Variants in NTRK3 observed in about 807,000 individuals in gnomAD.
NTRK3 encodes the protein neurotrophic receptor tyrosine kinase 3, also known as NT-3 growth factor receptor.
A neutral mutation model predicts 91.7 loss-of-function variants in NTRK3; 24 were observed. The observed-to-expected ratio is 0.26, with a 90% CI of 0.19 to 0.37. The LOEUF (loss-of-function observed/expected upper bound fraction) is 0.37, where lower values mean the gene tolerates loss of function less well. Ranked by LOEUF, NTRK3 falls within the 10% of genes least tolerant of loss-of-function variation. NTRK3 has a pLI of 1.00. For synonymous variants in NTRK3, 483 were observed against 404.0 expected (o/e 1.20, Z -2.34); for missense variants, 880 against 1,068.9 (o/e 0.82, Z 2.46).
At chr15:87,898,795 G>C (rs1202791490) in intron 17 of NTRK3, among the ~76,000 whole-genome samples, 2 of 144,376 alleles carry the variant, frequency 1.4e-5, no homozygotes, top group East Asian at 4.0e-4. Context: ...AGACCAGCCT[G>C]GCCAACACAG....
chr15:88,251,315 A>C (rs1350047022), intron 3 of NTRK3, among the ~76,000 whole-genome samples: 5 of 152,202 alleles, frequency 3.3e-5, no homozygotes, highest in African/African-American at 9.7e-5. Flanking sequence ...TCCTGGGGGA[A>C]GTTCTCTGGG....
chr15:88,041,172 A>G (rs989632405), intron 13 of NTRK3, among the ~76,000 whole-genome samples: 2 of 152,190 alleles, frequency 1.3e-5, no homozygotes. Flanking sequence ...CTAGGGATGG[A>G]CTGCCAAATA....
At chr15:88,078,259 A>G (rs903402925) in intron 13 of NTRK3, among the ~76,000 whole-genome samples, 3 of 152,196 alleles carry the variant, frequency 2.0e-5, no homozygotes, top group Non-Finnish European at 4.4e-5. Flanking sequence ...CAATACAGAA[A>G]GTCCCTGCTC....
chr15:87,883,613 T>G (rs1596075604), intron 17 of NTRK3, among the ~76,000 whole-genome samples: 1 of 151,180 alleles, frequency 6.6e-6, no homozygotes, highest in Non-Finnish European at 1.5e-5. Context: ...CCTTAAAAAA[T>G]TGCACATTAT....
At chr15:88,138,802 T>A (rs376947013) in intron 6 of NTRK3, among the ~76,000 whole-genome samples, 1 of 152,360 alleles carries the variant, frequency 6.6e-6, no homozygotes, top group East Asian at 1.9e-4. Flanking sequence ...AGTTTGTTTA[T>A]CTGTCTCCCT....
At chr15:87,909,792 A>T (rs2066980901) in intron 17 of NTRK3, among the ~76,000 whole-genome samples, 1 of 152,214 alleles carries the variant, frequency 6.6e-6, no homozygotes, top group African/African-American at 2.4e-5. Flanking sequence ...AGAAGAGATT[A>T]GGACACAAAC....
At chr15:87,916,546 T>C in intron 17 of NTRK3, 1 of 702,400 alleles carries the variant, frequency 1.4e-6, no homozygotes, top group Non-Finnish European at 2.6e-6. Context: ...GTATCAGTCC[T>C]CATGCCTGCA....
At chr15:88,217,085 C>T (rs7169335) in intron 3 of NTRK3, among the ~76,000 whole-genome samples, 118,985 of 152,054 alleles carry the variant, frequency 0.78, 48,401 homozygotes, top group East Asian at 0.96. Flanking sequence ...CTCATAACCA[C>T]TAGGGTGGAC....
At chr15:87,983,376 G>A (rs16941106) in intron 14 of NTRK3, among the ~76,000 whole-genome samples, 1,551 of 152,248 alleles carry the variant, frequency 0.01, 24 homozygotes, top group African/African-American at 0.036. Flanking sequence ...GGTAAGAAGA[G>A]GTGAGATGTT....
At chr15:88,101,659 C>CAT (rs1278300785) in intron 13 of NTRK3, among the ~76,000 whole-genome samples, 3 of 152,278 alleles carry the variant, frequency 2.0e-5, no homozygotes, top group Admixed American at 6.5e-5. Context: ...AAATGTGGCA[C>CAT]ATATACATCA....
chr15:87,863,837 G>A (rs375443906), exon 19 of NTRK3: 2 of 231,672 alleles, frequency 8.6e-6, no homozygotes, highest in East Asian at 1.2e-4. Context: ...TGCAACATGG[G>A]CCTCTGAATT....
chr15:88,136,479 G>T (rs1311469579), exon 8 of NTRK3: 39 of 1,614,024 alleles, frequency 2.4e-5, no homozygotes, highest in Non-Finnish European at 3.2e-5. Context: ...GGTGAGTGTT[G>T]ATGGACTGCA....
In NTRK3 at chr15:87,929,112, G is replaced by A; in HGVS notation, c.2133+79C>T. Reference sequence around the variant, plus strand: ...TATATGTGTGTGCCAGAGTGACAGGGTTAATGGACAATGAAAAAGACATGT... The same window carrying A: ...TATATGTGTGTGCCAGAGTGACAGGATTAATGGACAATGAAAAAGACATGT... On this transcript the variant is annotated intron_variant, in intron 17 of 18. Coordinates refer to ENST00000394480, the Ensembl canonical transcript of NTRK3. 3 of 1,607,650 alleles carry A rather than the reference G, an allele frequency of 1.9e-6. No homozygotes were observed. The South Asian group carries it at 3.3e-5, about 18-fold the overall frequency.
intron 13 of NTRK3, among the ~76,000 whole-genome samples, chr15:88,049,615 G>A (rs1397886738): frequency 6.6e-6 from 1 of 152,190 alleles, no homozygotes; most frequent in Non-Finnish European, 1.5e-5. Flanking sequence ...CTGGCCAAGA[G>A]GCTGTTGTCA....
intron 5 of NTRK3, among the ~76,000 whole-genome samples, chr15:88,149,266 C>G (rs186068502): frequency 1.1e-4 from 16 of 152,266 alleles, no homozygotes; most frequent in African/African-American, 3.8e-4. Context: ...CTGGCTAGGT[C>G]CCTGAGATGG....
chr15:87,887,944 G>A (rs1156555476), intron 17 of NTRK3, among the ~76,000 whole-genome samples: 1 of 152,074 alleles, frequency 6.6e-6, no homozygotes, highest in African/African-American at 2.4e-5. Flanking sequence ...ACTGACCCAA[G>A]CTCTCAATGA....
At chr15:87,957,274 G>C (rs375070495) in intron 14 of NTRK3, among the ~76,000 whole-genome samples, 1 of 152,164 alleles carries the variant, frequency 6.6e-6, no homozygotes, top group African/African-American at 2.4e-5. Flanking sequence ...TAAGCATCAA[G>C]TCTCAGCTAT....
chr15:88,171,044 G>A (rs1410973161), intron 5 of NTRK3, among the ~76,000 whole-genome samples: 2 of 152,250 alleles, frequency 1.3e-5, no homozygotes, highest in East Asian at 3.9e-4. Flanking sequence ...CACGGAAAAA[G>A]CCAAAGGCAA....
chr15:87,941,844 A>G (rs1185760800), intron 14 of NTRK3, among the ~76,000 whole-genome samples: 1 of 152,216 alleles, frequency 6.6e-6, no homozygotes, highest in Admixed American at 6.5e-5. Context: ...CTGGCGATGA[A>G]AAGAGCAAAC....
Sources: allele counts gnomAD v4.1 joint callset (sites outside exome capture counted in the v4.1 genomes callset), GRCh38; gene constraint gnomAD v4.1.1; transcripts MANE v1.5; gene names NCBI Gene and HGNC (gene_info 2026-07-23, HGNC 2026-07-21).